GCSAML: variants seen among roughly 807,000 people sequenced by gnomAD.
GCSAML encodes germinal center associated signaling and motility like.
GCSAML carries 9 observed loss-of-function variants against 13.0 expected under a neutral mutation model. The observed-to-expected ratio is 0.69, with a 90% CI of 0.42 to 1.21. The LOEUF (loss-of-function observed/expected upper bound fraction) is 1.21, where lower values mean the gene tolerates loss of function less well. Ranked by LOEUF, GCSAML falls within the 50% of genes most tolerant of loss-of-function variation. GCSAML has a pLI of 0.00. For missense variants in GCSAML, 143 were observed against 153.4 expected, an observed-to-expected ratio of 0.93 and a Z score of 0.36; for synonymous variants, 37 against 52.9, an observed-to-expected ratio of 0.70 and a Z score of 1.31.
At position 247,527,681 on chromosome 1, in the gene GCSAML, A is replaced by G. The variant is rs1666738708; in HGVS notation, c.-148+627A>G. The G allele has an allele frequency of 6.6e-6, 1 of 152,400 alleles. No individual in the cohort carries two copies. 9.4% of individuals were successfully genotyped at this position (152,400 alleles called of 1,614,324 possible). On this transcript the variant is annotated intron_variant, in intron 2 of 5. Coordinates refer to the GCSAML transcript ENST00000366489. This position sits in a 1 kb window ranked among gnomAD's most constrained non-coding sequence, Gnocchi z 4.6. ...TGATGTTTGGAAGCACATAATGTAT[A>G]GTGATCAGATAAGTGTGATTAGAAT...
intron 1 of GCSAML, among the ~76,000 whole-genome samples, chr1:247,550,592 C>G (rs4925683): frequency 0.76 from 115,619 of 151,792 alleles, 44,330 homozygotes; most frequent in East Asian, 0.91. Context: ...AGCCGAGATC[C>G]CGCCACTGCA....
intron 4 of GCSAML, among the ~76,000 whole-genome samples, chr1:247,567,934 T>C (rs781282685): frequency 1.3e-5 from 2 of 152,204 alleles, no homozygotes; most frequent in Non-Finnish European, 2.9e-5. Flanking sequence ...CTGGTGATGA[T>C]TAGCTTTTTT....
intron 1 of GCSAML, among the ~76,000 whole-genome samples, chr1:247,550,244 C>T (rs928089754): frequency 6.6e-6 from 1 of 152,146 alleles, no homozygotes; most frequent in African/African-American, 2.4e-5. Context: ...TTGGCTTCCC[C>T]ACACCTGATG....
At chr1:247,509,802 G>A (rs1392977510) in intron 1 of GCSAML, among the ~76,000 whole-genome samples, 5 of 152,140 alleles carry the variant, frequency 3.3e-5, no homozygotes, top group Non-Finnish European at 5.9e-5. Flanking sequence ...GATTGATTAC[G>A]TTTATTGATT....
At chr1:247,511,417 G>A (rs771249147) in intron 1 of GCSAML, among the ~76,000 whole-genome samples, 26 of 152,048 alleles carry the variant, frequency 1.7e-4, no homozygotes, top group African/African-American at 3.6e-4. Flanking sequence ...GTCTTTGCAC[G>A]TGAGATGGGT....
chr1:247,511,987 G>C (rs1666055349), intron 1 of GCSAML, among the ~76,000 whole-genome samples: 2 of 152,010 alleles, frequency 1.3e-5, no homozygotes, highest in South Asian at 4.2e-4. Flanking sequence ...GTGTGTCTTG[G>C]GGTTGCTCTT....
chr1:247,560,738 G>A lies in GCSAML; in HGVS notation c.90-2852G>A, dbSNP rs563654661. 1.2e-3 allele frequency among the ~76,000 whole-genome samples: 183 copies of A among 152,164 alleles called. 1 individual carries two copies. The highest frequency in any genetic ancestry group is 6.8e-3 in the Middle Eastern group (2 of 294). On this transcript the variant is annotated intron_variant, in intron 2 of 4. Coordinates refer to ENST00000366488, the MANE Select transcript of GCSAML (RefSeq NM_145278.5). ...ACAACTTAATATATTTATTATCTCA[G>A]ACAGTTACCATTATTTTTGTGTGTG...
chr1:247,543,423 T>C (rs1416425828), intron 2 of GCSAML, among the ~76,000 whole-genome samples: 6 of 152,186 alleles, frequency 3.9e-5, no homozygotes. Context: ...AATTTATGAA[T>C]TAAACTTTAT....
At chr1:247,508,521 C>T (rs917764560) in intron 1 of GCSAML, among the ~76,000 whole-genome samples, 1 of 152,154 alleles carries the variant, frequency 6.6e-6, no homozygotes, top group African/African-American at 2.4e-5. Flanking sequence ...TTAATTAGAT[C>T]CCATTTGTCA....
At position 247,515,906 on chromosome 1, in the gene GCSAML, GCA is replaced by G. The variant is rs200730820; in HGVS notation, c.-263+8676_-263+8677del. Among the ~76,000 whole-genome samples, 1,104 of 152,270 alleles carry G rather than the reference GCA, an allele frequency of 7.3e-3. 9 individuals are homozygous for G. The highest frequency in any genetic ancestry group is 0.011 in the Non-Finnish European group (729 of 68,032). On this transcript the variant is annotated intron_variant, in intron 1 of 5. Coordinates refer to the GCSAML transcript ENST00000366489. ...ACCCAGCAGTGATCAGACTCAGGAAGCACATTTATTATACTAACCACACCTAC... is the reference window on the plus strand; with the variant it reads ...ACCCAGCAGTGATCAGACTCAGGAAGCATTTATTATACTAACCACACCTAC...
chr1:247,528,993 ATG>A (rs1339545131), intron 2 of GCSAML: 1 of 152,200 alleles, frequency 6.6e-6, no homozygotes, highest in East Asian at 1.9e-4. Context: ...CATTGAGCCT[ATG>A]AGAAATTTAA....
At chr1:247,556,496 GTTTT>G in intron 2 of GCSAML, 30 bp downstream of exon 2, 1 of 1,459,406 alleles carries the variant, frequency 6.9e-7, no homozygotes, top group Non-Finnish European at 9.5e-7. Context: ...GAGTTTTTTT[GTTTT>G]GTTTTGTTTT....
At chr1:247,545,974 G>A (rs770890224), upstream of GCSAML, among the ~76,000 whole-genome samples, 6 of 151,844 alleles carry the variant, frequency 4.0e-5, no homozygotes, top group African/African-American at 9.7e-5. Context: ...AAAAAATCAC[G>A]AAGAGCTACA....
At chr1:247,514,508 A>G (rs1281574122) in intron 1 of GCSAML, among the ~76,000 whole-genome samples, 1 of 151,836 alleles carries the variant, frequency 6.6e-6, no homozygotes, top group African/African-American at 2.4e-5. Flanking sequence ...TTTTTGTTCC[A>G]TTTGCTTTTA....
intron 3 of GCSAML, among the ~76,000 whole-genome samples, chr1:247,565,126 G>A (rs1469939242): frequency 6.6e-6 from 1 of 152,142 alleles, no homozygotes; most frequent in African/African-American, 2.4e-5. Flanking sequence ...TTGGGAGGCC[G>A]AGGTGGGCAG....
At chr1:247,514,337 G>A (rs1031150876) in intron 1 of GCSAML, among the ~76,000 whole-genome samples, 64 of 151,668 alleles carry the variant, frequency 4.2e-4, no homozygotes, top group Non-Finnish European at 2.1e-4. Context: ...TTTTTCTCTC[G>A]CACTGATTTG....
At chr1:247,570,126 A>G (rs770825001) in intron 4 of GCSAML, among the ~76,000 whole-genome samples, 12 of 151,974 alleles carry the variant, frequency 7.9e-5, no homozygotes, top group Admixed American at 2.0e-4. Flanking sequence ...CTAGTGGTCT[A>G]TCTGTTTTGT....
At chr1:247,570,207 T>G (rs1668547802) in intron 4 of GCSAML, among the ~76,000 whole-genome samples, 1 of 152,226 alleles carries the variant, frequency 6.6e-6, no homozygotes. Flanking sequence ...TCTATCTCCT[T>G]CAGTTCTGCT....
intron 1 of GCSAML, among the ~76,000 whole-genome samples, chr1:247,512,424 G>C (rs902884861): frequency 2.6e-5 from 4 of 151,714 alleles, no homozygotes; most frequent in African/African-American, 9.7e-5. Context: ...TTTTTTCAAG[G>C]TTCTTAGCTT....
Sources: allele counts gnomAD v4.1 joint callset (sites outside exome capture counted in the v4.1 genomes callset), GRCh38; gene constraint gnomAD v4.1.1; non-coding constraint Gnocchi (gnomAD v3.1); transcripts MANE v1.5; gene names NCBI Gene and HGNC (gene_info 2026-07-23, HGNC 2026-07-21).